The following CDS1 variants were observed in gnomAD, a reference collection of about 807,000 sequenced individuals.
CDS1 encodes phosphatidate cytidylyltransferase 1.
CDS1 carries 41 observed loss-of-function variants against 62.1 expected under a neutral mutation model. That is an observed-to-expected ratio of 0.66 (90% confidence interval 0.51 to 0.86). The LOEUF is 0.86. Ranked by LOEUF, CDS1 falls within the 40% of genes least tolerant of loss-of-function variation. The pLI is 0.00. For synonymous variants in CDS1, 185 were observed against 192.6 expected (o/e 0.96, Z 0.32); for missense variants, 470 against 550.1 (o/e 0.85, Z 1.46).
At chr4:84,641,907 T>A (rs1724395106) in intron 10 of CDS1, among the ~76,000 whole-genome samples, 1 of 152,226 alleles carries the variant, frequency 6.6e-6, no homozygotes, top group Non-Finnish European at 1.5e-5. Context: ...TCTCTCTGAG[T>A]GCTCAGTACA....
chr4:84,646,934 T>C (rs1277928091), intron 12 of CDS1, among the ~76,000 whole-genome samples: 1 of 152,226 alleles, frequency 6.6e-6, no homozygotes, highest in Non-Finnish European at 1.5e-5. Flanking sequence ...TTTTGGTTTA[T>C]ATATTTTGAG....
chr4:84,591,854 C>A lies in CDS1; in HGVS notation c.117+8336C>A, dbSNP rs546053071. On this transcript the variant is annotated intron_variant, in intron 1 of 12. Coordinates refer to ENST00000295887, the MANE Select transcript of CDS1 (RefSeq NM_001263.4). ...ATTAAGAAAATTTTTACTGTTACTACCTTGTGTGACTTTGGACTAATTTGG... is the reference window on the plus strand; with the variant it reads ...ATTAAGAAAATTTTTACTGTTACTAACTTGTGTGACTTTGGACTAATTTGG... 2.0e-5 allele frequency among the ~76,000 whole-genome samples: 3 copies of A among 152,264 alleles called. No individual in the cohort carries two copies. In the East Asian group the frequency reaches 5.8e-4, roughly 29 times the overall value.
intron 1 of CDS1, among the ~76,000 whole-genome samples, chr4:84,602,800 C>G (rs1033128857): frequency 2.0e-5 from 3 of 152,088 alleles, no homozygotes; most frequent in African/African-American, 7.2e-5. Context: ...GATGTTCTAT[C>G]TGGTTGTTTA....
In CDS1 at chr4:84,633,875, A is replaced by G; in HGVS notation, c.658A>G (p.Thr220Ala). The G allele has an allele frequency of 6.2e-7, 1 of 1,602,244 alleles. No individual in the cohort carries two copies. The highest frequency in any genetic ancestry group is 8.5e-7 in the Non-Finnish European group (1 of 1,173,592). The change falls in exon 7 of 13, where the codon ACT (threonine) becomes GCT (alanine). Residue 220 changes from threonine to alanine, a missense_variant. By Grantham distance (58) the Thr-to-Ala change is moderately conservative. Transcript: ENST00000295887. ...QFYMFAWTHVTLLITVTQSHL... is the reference protein window; with the variant it reads ...QFYMFAWTHVALLITVTQSHL... ...TTAACAGTTCGCATGGACTCATGTC[A>G]CTTTACTGATAACTGTCACTCAGTC...
At chr4:84,589,977 AT>A (rs1406086497) in intron 1 of CDS1, among the ~76,000 whole-genome samples, 3 of 151,964 alleles carry the variant, frequency 2.0e-5, no homozygotes, top group South Asian at 2.1e-4. Flanking sequence ...CGCCTGGCTA[AT>A]TTTTTTGTAT....
At chr4:84,585,194 T>G (rs1450074539) in intron 1 of CDS1, among the ~76,000 whole-genome samples, 1 of 152,256 alleles carries the variant, frequency 6.6e-6, no homozygotes, top group African/African-American at 2.4e-5. Context: ...TATCTGTGAC[T>G]AGGTTACCTC....
chr4:84,585,915 G>A (rs1722403070), intron 1 of CDS1, among the ~76,000 whole-genome samples: 1 of 152,206 alleles, frequency 6.6e-6, no homozygotes, highest in South Asian at 2.1e-4. Flanking sequence ...AAGGCTCATT[G>A]TTAGCATAGA....
intron 1 of CDS1, among the ~76,000 whole-genome samples, chr4:84,595,046 A>G (rs531639250): frequency 2.6e-5 from 4 of 152,332 alleles, no homozygotes; most frequent in South Asian, 4.1e-4. Context: ...GAGGTGGCCA[A>G]AATCAGTCTG....
chr4:84,608,928 C>T (rs1464786558), intron 2 of CDS1, among the ~76,000 whole-genome samples: 1 of 151,848 alleles, frequency 6.6e-6, no homozygotes, highest in Non-Finnish European at 1.5e-5. Flanking sequence ...CCTGTAATCC[C>T]AGCACTTTGG....
At chr4:84,590,171 A>G (rs1238154004) in intron 1 of CDS1, among the ~76,000 whole-genome samples, 1 of 152,174 alleles carries the variant, frequency 6.6e-6, no homozygotes, top group Non-Finnish European at 1.5e-5. Flanking sequence ...CAATATAACA[A>G]TTTGGGGTTA....
At chr4:84,587,730 T>G (rs1035319673) in intron 1 of CDS1, among the ~76,000 whole-genome samples, 2 of 151,962 alleles carry the variant, frequency 1.3e-5, no homozygotes, top group African/African-American at 4.8e-5. Context: ...GCATACAAGT[T>G]TATTAACGTG....
Position 84,638,910 on chromosome 4 carries a change from T to A in CDS1, c.811-14T>A, listed in dbSNP as rs763725750. On this transcript the variant is annotated splice_polypyrimidine_tract_variant and intron_variant, in intron 8 of 12. Coordinates refer to ENST00000295887, the MANE Select transcript of CDS1 (RefSeq NM_001263.4). ...GTGCAGTAAAGCTTTTTAATTTTAT[T>A]TGCCCTTTTTTAGTTGTCTCCTAAA... 36 of 1,417,424 alleles carry A rather than the reference T, an allele frequency of 2.5e-5. No individual in the cohort carries two copies. The highest frequency in any genetic ancestry group is 3.2e-5 in the Non-Finnish European group (33 of 1,045,778). 87.8% of individuals were successfully genotyped at this position (1,417,424 alleles called of 1,614,324 possible). A position where few individuals can be genotyped will look rare whatever the true frequency, so the allele number is the denominator to read the frequency against.
Position 84,635,319 on chromosome 4 carries a change from G to T in CDS1, c.778G>T (p.Gly260Ter). The T allele has an allele frequency of 1.9e-6, 3 of 1,576,228 alleles. No individual in the cohort carries two copies. Among genetic ancestry groups the T allele is most frequent in the African/African-American group, 1.4e-5 (1 of 72,984 alleles). The change falls in exon 8 of 13, where the codon GGA (glycine) becomes TGA (stop). Residue 260 changes from glycine to a stop codon, truncating the protein, a stop_gained. Coordinates refer to ENST00000295887, the MANE Select transcript of CDS1 (RefSeq NM_001263.4). LOFTEE classifies it high-confidence loss of function. ...ICNDITAYLFGFFFGRTPLIK... is the reference protein window; with the variant it reads ...ICNDITAYLF Reference sequence around the variant, plus strand: ...CAATGACATAACTGCTTACCTTTTTGGATTTTTTTTTGGGAGAACTCCATT... The same window carrying T: ...CAATGACATAACTGCTTACCTTTTTTGATTTTTTTTTGGGAGAACTCCATT...
intron 3 of CDS1, among the ~76,000 whole-genome samples, chr4:84,610,057 A>G (rs563311288): frequency 2.0e-5 from 3 of 152,320 alleles, no homozygotes; most frequent in African/African-American, 7.2e-5. Flanking sequence ...ACATCAACAT[A>G]TGACTATTAG....
chr4:84,638,241 G>A (rs1399518092), intron 8 of CDS1, among the ~76,000 whole-genome samples: 1 of 152,028 alleles, frequency 6.6e-6, no homozygotes, highest in African/African-American at 2.4e-5. Flanking sequence ...ATGGTCCATT[G>A]ACTGGGCAGC....
At chr4:84,631,000 T>C (rs893491632) in intron 5 of CDS1, among the ~76,000 whole-genome samples, 2 of 152,204 alleles carry the variant, frequency 1.3e-5, no homozygotes, top group African/African-American at 2.4e-5. Context: ...TTTCACTTAA[T>C]TGGTTAGAAT....
At position 84,635,239 on chromosome 4, in the gene CDS1, CTT is replaced by C. The variant is rs11310518; in HGVS notation, c.723-10_723-9del. 7,804 of 1,002,102 alleles carry C rather than the reference CTT, an allele frequency of 7.8e-3. No individual in the cohort carries two copies. The highest frequency in any genetic ancestry group is 8.6e-3 in the Non-Finnish European group (5,965 of 689,700). The allele number at this position is 1,002,102 out of a possible 1,614,324, so 62.1% of individuals were successfully genotyped here. ...ACTCAGGTGAACTTTTTTCTGCTGA[CTT>C]TTTTTTTTTTTTTTAAAAACAGGTT... On this transcript the variant is annotated intron_variant, in intron 7 of 12. Transcript: ENST00000295887.
At chr4:84,609,749 A>G (rs1459571417) in intron 3 of CDS1, among the ~76,000 whole-genome samples, 1 of 152,224 alleles carries the variant, frequency 6.6e-6, no homozygotes, top group East Asian at 1.9e-4. Flanking sequence ...CCAAGTTTGT[A>G]TAACAGGTAC....
intron 3 of CDS1, among the ~76,000 whole-genome samples, chr4:84,615,192 C>G (rs1723450109): frequency 1.3e-5 from 2 of 151,998 alleles, no homozygotes; most frequent in South Asian, 4.1e-4. Context: ...CCTTTTCTCC[C>G]TTAGCCCCTC....
Sources: gnomAD v4.1 joint callset for allele counts (sites outside exome capture counted in the v4.1 genomes callset) on GRCh38, gnomAD v4.1.1 for gene constraint, MANE v1.5 for transcripts, NCBI Gene and HGNC (gene_info 2026-07-23, HGNC 2026-07-21) for gene names.